Variants in TBC1D13 observed in about 807,000 individuals in gnomAD.
The protein encoded by TBC1D13 is epididymis secretory sperm binding protein.
A neutral mutation model predicts 53.6 loss-of-function variants in TBC1D13; 40 were observed. The observed-to-expected ratio is 0.75, with a 90% CI of 0.58 to 0.97. The LOEUF (loss-of-function observed/expected upper bound fraction) is 0.97. Ranked by LOEUF, TBC1D13 falls within the 50% of genes least tolerant of loss-of-function variation. The pLI, the probability that TBC1D13 is intolerant of heterozygous loss-of-function variation, is 0.00. For missense variants in TBC1D13, 377 were observed against 499.4 expected (o/e 0.75, Z 2.34); for synonymous variants, 182 against 197.7 (o/e 0.92, Z 0.67).
At chr9:128,792,820 G>A (rs1829559145) in intron 6 of TBC1D13, among the ~76,000 whole-genome samples, 1 of 152,212 alleles carries the variant, frequency 6.6e-6, no homozygotes, top group Non-Finnish European at 1.5e-5. Context: ...TACCCCAGGT[G>A]TTTATGGATT....
In TBC1D13 at chr9:128,806,270, T is replaced by C. The variant is rs748219898; in HGVS notation, c.1096T>C (p.Leu366=). Residue 366 remains leucine, a synonymous_variant, in exon 11 of 12, where the codon TTG becomes CTG. Coordinates refer to ENST00000372648, the MANE Select transcript of TBC1D13 (RefSeq NM_018201.5). ...CAMLMLIREQ[L]LEGDFTVNMR... The stretch of plus-strand genomic sequence containing the variant: ...TTTTCATAGGCTGATCCGGGAGCAG[T>C]TGCTGGAAGGGGACTTCACTGTGAA... 1 of 1,614,134 alleles carries C rather than the reference T, an allele frequency of 6.2e-7. No homozygotes were observed. Among genetic ancestry groups the C allele is most frequent in the East Asian group, 2.2e-5 (1 of 44,874 alleles).
chr9:128,805,518 G>T (rs1829815042), intron 9 of TBC1D13, among the ~76,000 whole-genome samples: 1 of 152,224 alleles, frequency 6.6e-6, no homozygotes, highest in South Asian at 2.1e-4. Flanking sequence ...AGTGCCCTGT[G>T]ATGGTCACTC....
intron 7 of TBC1D13, among the ~76,000 whole-genome samples, chr9:128,798,058 G>A (rs1829666810): frequency 6.6e-6 from 1 of 151,978 alleles, no homozygotes; most frequent in African/African-American, 2.4e-5. Flanking sequence ...TTCAAGACTA[G>A]CCTGGCCAAC....
At chr9:128,799,127 G>C (rs530046069) in intron 7 of TBC1D13, among the ~76,000 whole-genome samples, 1 of 152,190 alleles carries the variant, frequency 6.6e-6, no homozygotes, top group Non-Finnish European at 1.5e-5. Context: ...TGCAGATTGC[G>C]TGACTAGATA....
At chr9:128,790,846 C>T in intron 3 of TBC1D13, 71 bp downstream of exon 3, 1 of 1,475,700 alleles carries the variant, frequency 6.8e-7, no homozygotes, top group Non-Finnish European at 9.1e-7. Flanking sequence ...GCTGCCCCTA[C>T]CCCTGGCTTC....
intron 7 of TBC1D13, among the ~76,000 whole-genome samples, chr9:128,800,477 TC>T (rs1829713686): frequency 6.8e-6 from 1 of 147,428 alleles, no homozygotes. Flanking sequence ...TTCAAGCAAT[TC>T]TCGTGCCTTA....
chr9:128,788,427 T>G lies in TBC1D13; in HGVS notation c.97+20T>G. On this transcript the variant is annotated intron_variant, in intron 2 of 11. Transcript: ENST00000372648. ...TTAGTGGTAAGAAGCCATTCTGTAT[T>G]TTCACGGTTTCCCTACAGCAGCCCT... 1 of 1,612,172 alleles carries G rather than the reference T, an allele frequency of 6.2e-7. No homozygotes were observed. The highest frequency in any genetic ancestry group is 8.5e-7 in the Non-Finnish European group (1 of 1,178,446).
chr9:128,806,693 AG>A (rs1177967262), intron 11 of TBC1D13, among the ~76,000 whole-genome samples: 1 of 152,068 alleles, frequency 6.6e-6, no homozygotes, highest in Non-Finnish European at 1.5e-5. Context: ...CTATAATCCC[AG>A]CACTTTGGGA....
chr9:128,801,437 T>C (rs1403968315), intron 7 of TBC1D13, among the ~76,000 whole-genome samples: 1 of 152,098 alleles, frequency 6.6e-6, no homozygotes, highest in East Asian at 1.9e-4. Flanking sequence ...CCCAGCACTT[T>C]GGGAGGCTGA....
intron 5 of TBC1D13, among the ~76,000 whole-genome samples, 169 bp downstream of exon 5, chr9:128,791,862 T>G (rs1380262265): frequency 6.6e-6 from 1 of 152,158 alleles, no homozygotes; most frequent in East Asian, 1.9e-4. Context: ...TTGGGGGCCC[T>G]GGGCTCAGTA....
In TBC1D13 at chr9:128,796,352, C is replaced by T. The variant is rs535121817; in HGVS notation, c.384-703C>T. Among the ~76,000 whole-genome samples, 187 of 152,084 alleles carry T rather than the reference C, an allele frequency of 1.2e-3. 1 individual carries two copies. Among genetic ancestry groups the T allele is most frequent in the African/African-American group, 4.2e-3 (174 of 41,496 alleles). On this transcript the variant is annotated intron_variant, in intron 6 of 11. Coordinates refer to ENST00000372648, the MANE Select transcript of TBC1D13 (RefSeq NM_018201.5). ...GCAACCTCCGCCTCCCAGGTTCAAG[C>T]GATTCTTCTGCCTCAGCCTCCTGAG... is the stretch of plus-strand genomic sequence containing the variant.
chr9:128,795,359 C>T (rs1262953415), intron 6 of TBC1D13, among the ~76,000 whole-genome samples: 1 of 149,356 alleles, frequency 6.7e-6, no homozygotes, highest in Non-Finnish European at 1.5e-5. Context: ...ATTACAGGCA[C>T]ATGCCACCAC....
chr9:128,789,460 G>C (rs1043071787), intron 2 of TBC1D13, among the ~76,000 whole-genome samples: 2 of 152,062 alleles, frequency 1.3e-5, no homozygotes, highest in African/African-American at 4.8e-5. Flanking sequence ...TCTTATTGCA[G>C]GATAACTTTG....
At chr9:128,801,841 A>G (rs1295095990) in intron 7 of TBC1D13, among the ~76,000 whole-genome samples, 1 of 150,598 alleles carries the variant, frequency 6.6e-6, no homozygotes, top group Non-Finnish European at 1.5e-5. Flanking sequence ...CACTTACTGC[A>G]AACTCCGCCT....
At chr9:128,789,528 T>C (rs1423870678) in intron 2 of TBC1D13, among the ~76,000 whole-genome samples, 1 of 151,916 alleles carries the variant, frequency 6.6e-6, no homozygotes, top group Non-Finnish European at 1.5e-5. Flanking sequence ...GTGTTAGTAG[T>C]TAAGAGTTTT....
rs1426487054 is a variant in TBC1D13 at position 128,810,017 on chromosome 9, C to T, written c.*2138C>T. ...CTCTTGTCTGCCCCCTACCTTCCCT[C>T]CTGGAACCACACTACTTGAATCACC... On this transcript the variant is annotated 3_prime_UTR_variant, in exon 12 of 12. Coordinates refer to ENST00000372648, the MANE Select transcript of TBC1D13 (RefSeq NM_018201.5). The T allele has an allele frequency of 6.6e-6, 1 of 152,442 alleles. No individual in the cohort carries two copies. Among genetic ancestry groups the T allele is most frequent in the Non-Finnish European group, 1.5e-5 (1 of 68,254 alleles). The allele number at this position is 152,442 out of a possible 1,614,324, so 9.4% of individuals were successfully genotyped here.
At chr9:128,803,816 T>A in intron 8 of TBC1D13, 140 bp from the exon 9 acceptor site, 1 of 1,089,484 alleles carries the variant, frequency 9.2e-7, no homozygotes, top group Non-Finnish European at 1.3e-6. Context: ...TGGAGAGGGG[T>A]CAAGGACAGA....
chr9:128,793,385 G>A (rs1430485267), intron 6 of TBC1D13, among the ~76,000 whole-genome samples: 1 of 152,208 alleles, frequency 6.6e-6, no homozygotes, highest in South Asian at 2.1e-4. Context: ...GGGCTGGGGA[G>A]TTTGGCAGCG....
At chr9:128,805,537 C>T (rs1283946623) in intron 9 of TBC1D13, among the ~76,000 whole-genome samples, 1 of 152,206 alleles carries the variant, frequency 6.6e-6, no homozygotes, top group East Asian at 1.9e-4. Context: ...TCAGCACATC[C>T]ACAAACCCAA....
Sources: gnomAD v4.1 joint callset for allele counts (sites outside exome capture counted in the v4.1 genomes callset) on GRCh38, gnomAD v4.1.1 for gene constraint, MANE v1.5 for transcripts, NCBI Gene and HGNC (gene_info 2026-07-23, HGNC 2026-07-21) for gene names.